Variants in CD34 observed in about 807,000 individuals in gnomAD.
CD34 encodes the protein CD34 molecule.
CD34 carries 34 observed loss-of-function variants against 40.1 expected under a neutral mutation model. The ratio of observed to expected loss-of-function variants is 0.85; its 90% CI spans 0.65 to 1.13. The LOEUF is 1.13. Among genes scored for constraint, CD34 ranks in the 50% most tolerant of loss-of-function variants. The pLI is 0.00. For missense variants in CD34, 426 were observed against 466.9 expected (o/e 0.91, Z 0.81); for synonymous variants, 209 against 190.0 (o/e 1.10, Z -0.82).
intron 4 of CD34, chr1:207,889,852 A>G: frequency 6.4e-7 from 1 of 1,568,436 alleles, no homozygotes; most frequent in Non-Finnish European, 8.6e-7. Context: ...TCTAGTATCT[A>G]AGATGTTAGA....
intron 5 of CD34, 117 bp from the exon 6 acceptor site, chr1:207,889,330 C>T (rs879194011): frequency 3.0e-5 from 46 of 1,556,128 alleles, no homozygotes; most frequent in South Asian, 1.9e-4. Flanking sequence ...TCGGGGGGAC[C>T]GCTCCCAAAG....
intron 1 of CD34, among the ~76,000 whole-genome samples, chr1:207,902,583 T>C (rs1195361634): frequency 6.6e-6 from 1 of 152,196 alleles, no homozygotes; most frequent in Non-Finnish European, 1.5e-5. Flanking sequence ...ACTCCTCTTC[T>C]TGCCTGCTCT....
intron 4 of CD34, chr1:207,890,172 T>G (rs770827193): frequency 3.0e-4 from 304 of 1,027,512 alleles, no homozygotes; most frequent in Non-Finnish European, 3.3e-4. Context: ...CTTCCATCTC[T>G]GTTTTCCATT....
chr1:207,897,885 C>G (rs1662183337), intron 3 of CD34, among the ~76,000 whole-genome samples: 1 of 152,196 alleles, frequency 6.6e-6, no homozygotes, highest in East Asian at 1.9e-4. Context: ...GGATCTTTTC[C>G]CATTTGGGTT....
chr1:207,903,535 T>C (rs1031711791), intron 1 of CD34, among the ~76,000 whole-genome samples: 4 of 152,196 alleles, frequency 2.6e-5, no homozygotes, highest in Non-Finnish European at 5.9e-5. Flanking sequence ...GGGACTCCAT[T>C]TGACCCTTAG....
At chr1:207,910,224 G>A (rs1662477493) in intron 1 of CD34, among the ~76,000 whole-genome samples, 1 of 152,138 alleles carries the variant, frequency 6.6e-6, no homozygotes, top group Non-Finnish European at 1.5e-5. Context: ...TTTAGAACTT[G>A]GAGCAGGGGC....
intron 1 of CD34, among the ~76,000 whole-genome samples, chr1:207,904,220 G>C (rs1348178502): frequency 2.0e-5 from 3 of 152,146 alleles, no homozygotes; most frequent in African/African-American, 7.2e-5. Context: ...TCCTGGTGCT[G>C]TTTCCTGATC....
chr1:207,890,547 G>A (rs1662011134), intron 4 of CD34: 1 of 152,356 alleles, frequency 6.6e-6, no homozygotes, highest in Non-Finnish European at 1.5e-5. Context: ...CAAGGCCACA[G>A]GGTCCTCCCA....
intron 1 of CD34, 48 bp from the exon 2 acceptor site, chr1:207,900,051 G>A: frequency 7.0e-7 from 1 of 1,433,532 alleles, no homozygotes; most frequent in East Asian, 2.3e-5. Flanking sequence ...ATATCAGCCT[G>A]GTGATATCAC....
chr1:207,893,994 G>C (rs1662089402), intron 4 of CD34, among the ~76,000 whole-genome samples: 9 of 152,204 alleles, frequency 5.9e-5, no homozygotes, highest in Admixed American at 5.9e-4. Flanking sequence ...CGGTCTGGTG[G>C]TTCCTCAAAA....
intron 6 of CD34, 120 bp downstream of exon 6, chr1:207,889,041 G>A: frequency 1.1e-6 from 1 of 881,306 alleles, no homozygotes; most frequent in Non-Finnish European, 1.9e-6. Flanking sequence ...AGACTAGAAA[G>A]GAGAAGACTC....
In CD34 at chr1:207,888,182, C is replaced by CGCA. The variant is rs1381737410; in HGVS notation, c.973-262_973-260dup. On this transcript the variant is annotated intron_variant, in intron 7 of 7. Coordinates refer to ENST00000310833, the MANE Select transcript of CD34 (RefSeq NM_001025109.2). ...CCACCGCAGCTCGGCAGCCAGCTCC[C>CGCA]GCAGGAAAACGGGCAGTTCCAAGAA... 4 of 1,579,860 alleles carry CGCA rather than the reference C, an allele frequency of 2.5e-6. No individual in the cohort carries two copies. The African/African-American group carries it at 5.4e-5, about 21-fold the overall frequency.
At chr1:207,903,370 G>C (rs1457259076) in intron 1 of CD34, among the ~76,000 whole-genome samples, 3 of 152,274 alleles carry the variant, frequency 2.0e-5, no homozygotes, top group Admixed American at 2.0e-4. Context: ...CATCCTAAGA[G>C]ACAATTGATG....
intron 1 of CD34, among the ~76,000 whole-genome samples, chr1:207,908,411 C>G (rs561971613): frequency 6.6e-6 from 1 of 152,372 alleles, no homozygotes; most frequent in African/African-American, 2.4e-5. Context: ...GCCTGCTCCT[C>G]CTCTGTCGCC....
At position 207,887,578 on chromosome 1, in the gene CD34, C is replaced by T; in HGVS notation, c.*160G>A. 4.0e-6 allele frequency: 4 copies of T among 991,084 alleles called. No individual in the cohort carries two copies. 61.4% of individuals were successfully genotyped at this position (991,084 alleles called of 1,614,324 possible). A position where few individuals can be genotyped will look rare whatever the true frequency, so the allele number is the denominator to read the frequency against. On this transcript the variant is annotated 3_prime_UTR_variant, in exon 8 of 8. Transcript: ENST00000310833. ...GTAAAGGACAGGAGTTTACCTGCCC[C>T]TCCTCAAGGTGTAGGGCCCCAAGAA...
chr1:207,895,051 T>C (rs1662120345), intron 4 of CD34, among the ~76,000 whole-genome samples: 2 of 152,166 alleles, frequency 1.3e-5, no homozygotes, highest in Admixed American at 6.5e-5. Context: ...TCCTTCCTGC[T>C]CTTCACCAGG....
Position 207,887,499 on chromosome 1 carries a change from C to T in CD34, c.*239G>A. The stretch of plus-strand genomic sequence containing the variant: ...AGCTTCTCCAGACCTTGGCTTTCCC[C>T]CGTCACACGTTTACCCAAAGAAGAC... On this transcript the variant is annotated 3_prime_UTR_variant, in exon 8 of 8. Transcript: ENST00000310833. The T allele has an allele frequency of 3.7e-6, 2 of 545,392 alleles. No individual in the cohort carries two copies. Among genetic ancestry groups the T allele is most frequent in the South Asian group, 5.2e-5 (2 of 38,792 alleles). The allele number at this position is 545,392 out of a possible 1,614,324, so 33.8% of individuals were successfully genotyped here. A position where few individuals can be genotyped will look rare whatever the true frequency, so the allele number is the denominator to read the frequency against.
At position 207,899,044 on chromosome 1, in the gene CD34, T is replaced by C; in HGVS notation, c.445A>G (p.Thr149Ala). The change falls in exon 3 of 8, where the codon ACT (threonine) becomes GCT (alanine). Residue 149 changes from threonine to alanine, a missense_variant. Transcript: ENST00000310833. Reference sequence around the variant, plus strand: ...GGAGATGTTGCAAGGCTAGTGCTAGTGGTTGAAAGGTCTGAAACATTTCCA... The same window carrying C: ...GGAGATGTTGCAAGGCTAGTGCTAGCGGTTGAAAGGTCTGAAACATTTCCA... ...SPGNVSDLSTTSTSLATSPTK... is the reference protein window; with the variant it reads ...SPGNVSDLSTASTSLATSPTK... The C allele has an allele frequency of 1.2e-6, 2 of 1,614,096 alleles. No homozygotes were observed. Among genetic ancestry groups the C allele is most frequent in the South Asian group, 1.1e-5 (1 of 91,078 alleles).
At position 207,883,489 on chromosome 1, in the gene CD34, T is replaced by C. The variant is rs948062723; in HGVS notation, c.*4249A>G. ...TCTTGCTTCTTTGTTTAAATGTGTG[T>C]TGTATTATCCCCAAGATTTAAACAT... On this transcript the variant is annotated 3_prime_UTR_variant, in exon 8 of 8. Coordinates refer to ENST00000310833, the MANE Select transcript of CD34 (RefSeq NM_001025109.2). 3 of 152,218 alleles carry C rather than the reference T, an allele frequency of 2.0e-5. No individual in the cohort carries two copies. Among genetic ancestry groups the C allele is most frequent in the Admixed American group, 6.5e-5 (1 of 15,286 alleles). The allele number at this position is 152,218 out of a possible 1,614,324, so 9.4% of individuals were successfully genotyped here.
Sources: gnomAD v4.1 joint callset for allele counts (sites outside exome capture counted in the v4.1 genomes callset) on GRCh38, gnomAD v4.1.1 for gene constraint, MANE v1.5 for transcripts, NCBI Gene and HGNC (gene_info 2026-07-23, HGNC 2026-07-21) for gene names.